The following TMEM167B variants were observed in gnomAD, a reference collection of about 807,000 sequenced individuals.
TMEM167B encodes transmembrane protein 167B, also known as protein kish-B.
In TMEM167B, 2 loss-of-function variants were observed where a neutral mutation model predicts 9.4. That is an observed-to-expected ratio of 0.21 (90% confidence interval 0.09 to 0.67). The LOEUF is 0.67. Ranked by LOEUF, TMEM167B falls within the 30% of genes least tolerant of loss-of-function variation. TMEM167B has a pLI of 0.82. For synonymous variants in TMEM167B, 28 were observed against 32.0 expected (o/e 0.87, Z 0.42); for missense variants, 68 against 87.6 (o/e 0.78, Z 0.89).
Position 109,094,662 on chromosome 1 carries a change from G to T in TMEM167B, c.*163G>T. The T allele has an allele frequency of 1.5e-6, 1 of 652,824 alleles. No individual in the cohort carries two copies. Among genetic ancestry groups the T allele is most frequent in the Non-Finnish European group, 2.7e-6 (1 of 373,598 alleles). 40.4% of individuals were successfully genotyped at this position (652,824 alleles called of 1,614,324 possible). A position where few individuals can be genotyped will look rare whatever the true frequency, so the allele number is the denominator to read the frequency against. On this transcript the variant is annotated 3_prime_UTR_variant, in exon 3 of 3. Transcript: ENST00000338272. ...ATATGTGGGGAAAACTCATGGTCAC[G>T]AACATTATTTATGCTTCAGGGGACT...
chr1:109,093,294 T>C, intron 2 of TMEM167B: 1 of 385,002 alleles, frequency 2.6e-6, no homozygotes, highest in Non-Finnish European at 4.8e-6. Flanking sequence ...GAGTTGTAGA[T>C]CAGCCCGGGC....
rs745745959 is a variant in TMEM167B at position 109,092,996 on chromosome 1, G to A, written c.117G>A (p.Lys39=). The part of the protein sequence containing the change: ...RLKTWLLSEK[K]GVWGVFYKAA... Reference sequence around the variant, plus strand: ...AAACCTGGCTGCTATCAGAGAAGAAGGGTGTTTGGGGTGTGTTTTACAAAG... The same window carrying A: ...AAACCTGGCTGCTATCAGAGAAGAAAGGTGTTTGGGGTGTGTTTTACAAAG... The change falls in exon 2 of 3, where the codon AAG becomes AAA. Residue 39 remains lysine, a synonymous_variant. Transcript: ENST00000338272. 1.1e-5 allele frequency: 18 copies of A among 1,614,042 alleles called. No individual in the cohort carries two copies. The African/African-American group carries it at 2.3e-4, about 20-fold the overall frequency.
At chr1:109,093,177 C>T (rs1664489694) in intron 2 of TMEM167B, 156 bp downstream of exon 2, 1 of 1,121,982 alleles carries the variant, frequency 8.9e-7, no homozygotes, top group Non-Finnish European at 1.2e-6. Flanking sequence ...TAATCATTCT[C>T]CAAAGTTGAG....
intron 2 of TMEM167B, chr1:109,093,255 G>GC (rs1209711033): frequency 1.2e-5 from 6 of 484,386 alleles, no homozygotes; most frequent in Non-Finnish European, 2.2e-5. Flanking sequence ...ACTTTGGGGG[G>GC]CCAAGGCAGG....
In TMEM167B at chr1:109,093,276, G is replaced by A. The variant is rs555031129; in HGVS notation, c.142+255G>A. 2.0e-4 allele frequency: 85 copies of A among 422,474 alleles called. 2 individuals are homozygous for A. In the South Asian group the frequency reaches 2.1e-3, roughly 11 times the overall value. The allele number at this position is 422,474 out of a possible 1,614,324, so 26.2% of individuals were successfully genotyped here. On this transcript the variant is annotated intron_variant, in intron 2 of 2. Transcript: ENST00000338272. The stretch of plus-strand genomic sequence containing the variant: ...GGGGGCCAAGGCAGGAGGATTGCTT[G>A]TGTCCAGGAGTTGTAGATCAGCCCG...
intron 2 of TMEM167B, chr1:109,093,225 C>G: frequency 1.5e-6 from 1 of 649,478 alleles, no homozygotes; most frequent in Non-Finnish European, 2.5e-6. Context: ...GGTGTGATGG[C>G]TCATGCCTAT....
Position 109,094,470 on chromosome 1 carries a change from A to G in TMEM167B, c.196A>G (p.Met66Val). 6.2e-7 allele frequency: 1 copy of G among 1,613,964 alleles called. No homozygotes were observed. The highest frequency in any genetic ancestry group is 8.5e-7 in the Non-Finnish European group (1 of 1,180,014). Residue 66 changes from methionine to valine, a missense_variant, in exon 3 of 3, where the codon ATG becomes GTG. By Grantham distance (21) the Met-to-Val change is conservative. Transcript: ENST00000338272. The part of the protein sequence containing the change: ...HAAVAIACVV[M>V]AFYVLFIK ...TGCTGTGGCAATTGCTTGTGTTGTA[A>G]TGGCCTTTTACGTCCTGTTTATAAA...
In TMEM167B at chr1:109,090,858, C is replaced by A; in HGVS notation, c.-15C>A. ...CTGAACCCGGACCCCCTACCCAGGT[C>A]CAGGGCCAGCCGCCATGACGAACGG... On this transcript the variant is annotated 5_prime_UTR_variant, in exon 1 of 3. Coordinates refer to ENST00000338272, the MANE Select transcript of TMEM167B (RefSeq NM_020141.4). 3 of 1,588,922 alleles carry A rather than the reference C, an allele frequency of 1.9e-6. No individual in the cohort carries two copies. The South Asian group carries it at 3.4e-5, about 18-fold the overall frequency.
rs1570559838 is a variant in TMEM167B at position 109,095,928 on chromosome 1, AAAATT to A, written c.*1436_*1440del. The A allele has an allele frequency of 6.6e-6, 1 of 152,238 alleles. No individual in the cohort carries two copies. The highest frequency in any genetic ancestry group is 2.4e-5 in the African/African-American group (1 of 41,460). 9.4% of individuals were successfully genotyped at this position (152,238 alleles called of 1,614,324 possible). ...CTATTTAAAAAAAAAGAGTAGGTCTAAAATTAAATTATTATAAGCAAGCATAGACA... is the reference window on the plus strand; with the variant it reads ...CTATTTAAAAAAAAAGAGTAGGTCTAAAATTATTATAAGCAAGCATAGACA... On this transcript the variant is annotated 3_prime_UTR_variant, in exon 3 of 3. Transcript: ENST00000338272.
At position 109,094,572 on chromosome 1, in the gene TMEM167B, C is replaced by A; in HGVS notation, c.*73C>A. 1 of 1,453,446 alleles carries A rather than the reference C, an allele frequency of 6.9e-7. No homozygotes were observed. The highest frequency in any genetic ancestry group is 9.6e-7 in the Non-Finnish European group (1 of 1,036,476). 90.0% of individuals were successfully genotyped at this position (1,453,446 alleles called of 1,614,324 possible). ...GAAGAACCTGTTGGAGACCTGAACC[C>A]AGTGTAGGAGAGTTCAGCTGAAATC... On this transcript the variant is annotated 3_prime_UTR_variant, in exon 3 of 3. Coordinates refer to ENST00000338272, the MANE Select transcript of TMEM167B (RefSeq NM_020141.4).
In TMEM167B at chr1:109,096,208, T is replaced by C. The variant is rs1392760547; in HGVS notation, c.*1709T>C. 6.6e-6 allele frequency: 1 copy of C among 152,234 alleles called. No homozygotes were observed. The highest frequency in any genetic ancestry group is 2.4e-5 in the African/African-American group (1 of 41,458). 9.4% of individuals were successfully genotyped at this position (152,234 alleles called of 1,614,324 possible). ...TGGCTGTTATCTCTTCAGGAATTGG[T>C]CCACAGGGTAAATTTCAACAATTCA... On this transcript the variant is annotated 3_prime_UTR_variant, in exon 3 of 3. Transcript: ENST00000338272.
chr1:109,093,242 A>G, intron 2 of TMEM167B: 1 of 555,820 alleles, frequency 1.8e-6, no homozygotes, highest in South Asian at 2.2e-5. Flanking sequence ...CTATAATCTC[A>G]GCACTTTGGG....
At position 109,090,798 on chromosome 1, in the gene TMEM167B, A is replaced by C; in HGVS notation, c.-75A>C. On this transcript the variant is annotated 5_prime_UTR_variant, in exon 1 of 3. Transcript: ENST00000338272. ...ACCTCGGCCCGGATCGGGAAGTGTC[A>C]AGCGGGCGCTCCCCCATCTCCGCCG... 6.5e-7 allele frequency: 1 copy of C among 1,541,452 alleles called. No individual in the cohort carries two copies. Among genetic ancestry groups the C allele is most frequent in the Non-Finnish European group, 8.8e-7 (1 of 1,136,958 alleles).
intron 2 of TMEM167B, among the ~76,000 whole-genome samples, chr1:109,094,012 G>T (rs1664512357): frequency 6.6e-6 from 1 of 152,034 alleles, no homozygotes; most frequent in Non-Finnish European, 1.5e-5. Context: ...GGGCACGGTG[G>T]CTCACGCCTG....
rs1166857745 is a variant in TMEM167B, at chr1:109,095,261, A to G, written c.*762A>G. The G allele has an allele frequency of 2.0e-5, 3 of 152,238 alleles. No individual in the cohort carries two copies. The highest frequency in any genetic ancestry group is 7.2e-5 in the African/African-American group (3 of 41,466). 9.4% of individuals were successfully genotyped at this position (152,238 alleles called of 1,614,324 possible). Reference sequence around the variant, plus strand: ...CTTCACTTGATCAGATGGTATATGAAAAATGAATCAACTATTGCTATTTCG... The same window carrying G: ...CTTCACTTGATCAGATGGTATATGAGAAATGAATCAACTATTGCTATTTCG... On this transcript the variant is annotated 3_prime_UTR_variant, in exon 3 of 3. Coordinates refer to ENST00000338272, the MANE Select transcript of TMEM167B (RefSeq NM_020141.4).
At position 109,094,728 on chromosome 1, in the gene TMEM167B, C is replaced by T. The variant is rs1664528989; in HGVS notation, c.*229C>T. ...CCTTTGATCTATGTGTAAATCAGTC[C>T]TTGGCAGAGTGCATATAATGTCCGG... On this transcript the variant is annotated 3_prime_UTR_variant, in exon 3 of 3. Transcript: ENST00000338272. 1.8e-6 allele frequency: 1 copy of T among 546,888 alleles called. No individual in the cohort carries two copies. Among genetic ancestry groups the T allele is most frequent in the Non-Finnish European group, 3.3e-6 (1 of 307,150 alleles). 33.9% of individuals were successfully genotyped at this position (546,888 alleles called of 1,614,324 possible).
At chr1:109,090,994 C>A in intron 1 of TMEM167B, 112 bp downstream of exon 1, 1 of 1,335,364 alleles carries the variant, frequency 7.5e-7, no homozygotes, top group Admixed American at 2.5e-5. Context: ...AGCCCGGCCC[C>A]CCTTGGCCTC....
In TMEM167B at chr1:109,094,475, C is replaced by A; in HGVS notation, c.201C>A (p.Ala67=). 1 of 1,613,982 alleles carries A rather than the reference C, an allele frequency of 6.2e-7. No homozygotes were observed. The highest frequency in any genetic ancestry group is 2.2e-5 in the East Asian group (1 of 44,886). ...AAVAIACVVM[A]FYVLFIK ...TGGCAATTGCTTGTGTTGTAATGGCCTTTTACGTCCTGTTTATAAAATGAA... is the reference window on the plus strand; with the variant it reads ...TGGCAATTGCTTGTGTTGTAATGGCATTTTACGTCCTGTTTATAAAATGAA... The change falls in exon 3 of 3, where the codon GCC becomes GCA. Residue 67 remains alanine (A), a synonymous_variant. Transcript: ENST00000338272.
chr1:109,091,239 T>C (rs1385323392), intron 1 of TMEM167B, among the ~76,000 whole-genome samples: 2 of 152,234 alleles, frequency 1.3e-5, no homozygotes, highest in African/African-American at 4.8e-5. Context: ...CCCTGCGTTC[T>C]CATGCTTTCG....
Sources: allele counts gnomAD v4.1 joint callset (sites outside exome capture counted in the v4.1 genomes callset), GRCh38; gene constraint gnomAD v4.1.1; transcripts MANE v1.5; gene names NCBI Gene and HGNC (gene_info 2026-07-23, HGNC 2026-07-21).